ROBO2: variants seen among roughly 807,000 people sequenced by gnomAD.
The protein encoded by ROBO2 is roundabout homolog 2.
Under a neutral mutation model 160.8 loss-of-function variants are expected in ROBO2, and 53 were observed. That is an observed-to-expected ratio of 0.33 (90% CI 0.26 to 0.41). ROBO2 has a LOEUF of 0.41. Among genes scored for constraint, ROBO2 ranks in the 10% least tolerant of loss-of-function variants. The pLI, the probability that ROBO2 is intolerant of heterozygous loss-of-function variation, is 1.00. For synonymous variants in ROBO2, 664 were observed against 611.7 expected, an observed-to-expected ratio of 1.09 and a Z score of -1.26; for missense variants, 1,577 against 1,722.4, an observed-to-expected ratio of 0.92 and a Z score of 1.49.
intron 2 of ROBO2, among the ~76,000 whole-genome samples, chr3:76,638,280 T>C (rs2090447730): frequency 6.6e-6 from 1 of 152,202 alleles, no homozygotes; most frequent in Non-Finnish European, 1.5e-5. Flanking sequence ...CTTGATAAGA[T>C]GGTAATTTGA....
chr3:76,462,490 T>C (rs2078138993), intron 2 of ROBO2, among the ~76,000 whole-genome samples: 1 of 152,158 alleles, frequency 6.6e-6, no homozygotes, highest in Admixed American at 6.5e-5. Flanking sequence ...GATGCATTTC[T>C]TTAATGTTAG....
At chr3:75,947,757 C>T (rs1322611575) in intron 2 of ROBO2, among the ~76,000 whole-genome samples, 3 of 152,106 alleles carry the variant, frequency 2.0e-5, no homozygotes, top group African/African-American at 4.8e-5. Flanking sequence ...AAGGAGCTAT[C>T]TTCATCAGAC....
intron 2 of ROBO2, among the ~76,000 whole-genome samples, chr3:76,725,335 C>G (rs1206952791): frequency 6.6e-6 from 1 of 152,124 alleles, no homozygotes; most frequent in Admixed American, 6.5e-5. Flanking sequence ...GACCCACTGC[C>G]ATTGTCCTTG....
intron 2 of ROBO2, among the ~76,000 whole-genome samples, chr3:77,001,810 A>G (rs1325579690): frequency 6.6e-6 from 1 of 152,038 alleles, no homozygotes; most frequent in East Asian, 1.9e-4. Flanking sequence ...TTGCTCCAAA[A>G]AACTTTCTGC....
intron 2 of ROBO2, among the ~76,000 whole-genome samples, chr3:76,223,487 CGAA>C (rs1329676707): frequency 6.6e-6 from 1 of 151,906 alleles, no homozygotes; most frequent in Non-Finnish European, 1.5e-5. Flanking sequence ...CTTCCACTGG[CGAA>C]GAAGACTCAT....
At chr3:76,790,519 A>G (rs1560566792) in intron 2 of ROBO2, among the ~76,000 whole-genome samples, 1 of 151,694 alleles carries the variant, frequency 6.6e-6, no homozygotes, top group Non-Finnish European at 1.5e-5. Flanking sequence ...TAAATCAAAA[A>G]TGTATTTAAT....
At chr3:77,306,858 GA>G (rs773767020) in intron 2 of ROBO2, among the ~76,000 whole-genome samples, 1 of 152,028 alleles carries the variant, frequency 6.6e-6, no homozygotes, top group Admixed American at 6.6e-5. Flanking sequence ...TTCTTAAATT[GA>G]AAATTAAATG....
At chr3:77,616,574 T>C (rs1178580934) in intron 21 of ROBO2, among the ~76,000 whole-genome samples, 1 of 152,130 alleles carries the variant, frequency 6.6e-6, no homozygotes, top group Non-Finnish European at 1.5e-5. Flanking sequence ...GGGTGAAGTT[T>C]GGAGAAAGAT....
Position 77,493,233 on chromosome 3 carries a change from T to A in ROBO2, c.668-11T>A, listed in dbSNP as rs774754367. The stretch of plus-strand genomic sequence containing the variant: ...ATCTCATTTTACCATTGTTTCATTT[T>A]TTTTTTCAAGAACGACCCACATTTC... On this transcript the variant is annotated splice_polypyrimidine_tract_variant and intron_variant, in intron 4 of 25. Transcript: ENST00000461745. 1.9e-6 allele frequency: 3 copies of A among 1,613,650 alleles called. No homozygotes were observed. The highest frequency in any genetic ancestry group is 1.7e-6 in the Non-Finnish European group (2 of 1,179,656).
intron 17 of ROBO2, among the ~76,000 whole-genome samples, chr3:77,590,531 C>T (rs1268150166): frequency 1.3e-5 from 2 of 152,074 alleles, no homozygotes; most frequent in Non-Finnish European, 2.9e-5. Flanking sequence ...GTGATACACT[C>T]GTATAAATCA....
At position 76,115,594 on chromosome 3, in the gene ROBO2, A is replaced by G. The variant is rs140636761; in HGVS notation, c.109+177992A>G. Among the ~76,000 whole-genome samples the G allele has an allele frequency of 9.6e-3, 1,459 of 152,286 alleles. 25 individuals carry two copies. The highest frequency in any genetic ancestry group is 0.034 in the African/African-American group (1,404 of 41,562). On this transcript the variant is annotated intron_variant, in intron 2 of 26. Coordinates refer to the ROBO2 transcript ENST00000487694. ...GAGATACAAGTATAGTCACATAGGT[A>G]AAGTATTTAGCAAAGTGAATATGCA...
At chr3:77,558,467 A>G (rs775773) in intron 9 of ROBO2, among the ~76,000 whole-genome samples, 81,401 of 151,830 alleles carry the variant, frequency 0.54, 21,910 homozygotes, top group Middle Eastern at 0.68. Context: ...AAATGACAAA[A>G]ACAACAAATG....
exon 22 of ROBO2, chr3:77,617,671 C>A (rs183885279): frequency 6.2e-7 from 1 of 1,614,104 alleles, no homozygotes; most frequent in African/African-American, 1.3e-5. Flanking sequence ...CAGTCCACTG[C>A]AACTCTTACT....
intron 2 of ROBO2, among the ~76,000 whole-genome samples, chr3:77,178,021 T>A (rs949938521): frequency 2.0e-5 from 3 of 151,952 alleles, no homozygotes; most frequent in African/African-American, 7.2e-5. Flanking sequence ...CAGTAGACAA[T>A]AAAGACAAAG....
intron 2 of ROBO2, among the ~76,000 whole-genome samples, chr3:76,728,751 G>A (rs535941499): frequency 6.6e-6 from 1 of 152,254 alleles, no homozygotes; most frequent in Non-Finnish European, 1.5e-5. Context: ...AATACAAGTA[G>A]AAATGGTAAT....
intron 2 of ROBO2, among the ~76,000 whole-genome samples, chr3:77,351,342 A>G (rs569990228): frequency 6.6e-6 from 1 of 152,308 alleles, no homozygotes; most frequent in African/African-American, 2.4e-5. Flanking sequence ...CTTTAACATC[A>G]AGATATCACT....
chr3:76,024,921 GTA>G (rs1490989546), intron 2 of ROBO2, among the ~76,000 whole-genome samples: 1 of 150,194 alleles, frequency 6.7e-6, no homozygotes, highest in African/African-American at 2.4e-5. Flanking sequence ...AAAAGTATAT[GTA>G]TGTGTGTGTG....
At chr3:76,938,828 G>A (rs1185241077) in intron 2 of ROBO2, among the ~76,000 whole-genome samples, 4 of 151,944 alleles carry the variant, frequency 2.6e-5, no homozygotes, top group Admixed American at 6.6e-5. Context: ...AAAATTAGCC[G>A]GGCGTGGTGG....
At chr3:77,467,587 G>GCATC (rs760469359) in intron 2 of ROBO2, among the ~76,000 whole-genome samples, 1 of 148,136 alleles carries the variant, frequency 6.8e-6, no homozygotes, top group Non-Finnish European at 1.5e-5. Flanking sequence ...CTATCTGTCT[G>GCATC]TATCTATCTA....
Sources: allele counts gnomAD v4.1 joint callset (sites outside exome capture counted in the v4.1 genomes callset), GRCh38; gene constraint gnomAD v4.1.1; transcripts MANE v1.5; gene names NCBI Gene and HGNC (gene_info 2026-07-23, HGNC 2026-07-21).